The following TRIM24 variants were observed in gnomAD, a reference collection of about 807,000 sequenced individuals.
The protein encoded by TRIM24 is tripartite motif containing 24.
Under a neutral mutation model 123.9 loss-of-function variants are expected in TRIM24, and 29 were observed. The observed-to-expected ratio is 0.23, with a 90% CI of 0.17 to 0.32. The LOEUF (loss-of-function observed/expected upper bound fraction) is 0.32, where lower values mean the gene tolerates loss of function less well. Ranked by LOEUF, TRIM24 falls within the 10% of genes least tolerant of loss-of-function variation. TRIM24 has a pLI of 1.00. For missense variants in TRIM24, 932 were observed against 1,295.3 expected, an observed-to-expected ratio of 0.72 and a Z score of 4.31; for synonymous variants, 456 against 461.1, an observed-to-expected ratio of 0.99 and a Z score of 0.14.
intron 1 of TRIM24, among the ~76,000 whole-genome samples, chr7:138,489,775 C>T (rs377319218): frequency 1.3e-5 from 2 of 152,178 alleles, no homozygotes; most frequent in Non-Finnish European, 2.9e-5. Flanking sequence ...TTTCTGGCCG[C>T]GCTTAACGTT....
At chr7:138,532,394 C>G (rs113196057) in intron 6 of TRIM24, among the ~76,000 whole-genome samples, 3 of 151,808 alleles carry the variant, frequency 2.0e-5, no homozygotes, top group Non-Finnish European at 2.9e-5. Context: ...ATTTTTGTAT[C>G]AGGTGTAAGG....
chr7:138,585,075 T>C lies in TRIM24; in HGVS notation c.*124T>C. ...ACTATTCTCATCTCTGTTTTGGACG[T>C]TTACTAGACTTTGATTTCCTTAATA... is the stretch of plus-strand genomic sequence containing the variant. On this transcript the variant is annotated 3_prime_UTR_variant, in exon 19 of 19. Transcript: ENST00000343526. The C allele has an allele frequency of 1.3e-6, 1 of 756,682 alleles. No homozygotes were observed. The highest frequency in any genetic ancestry group is 2.0e-6 in the Non-Finnish European group (1 of 497,378). 46.9% of individuals were successfully genotyped at this position (756,682 alleles called of 1,614,324 possible).
intron 4 of TRIM24, among the ~76,000 whole-genome samples, 177 bp from the exon 5 acceptor site, chr7:138,525,064 T>C (rs1796580207): frequency 1.3e-5 from 2 of 152,144 alleles, no homozygotes; most frequent in African/African-American, 2.4e-5. Context: ...ATAATCTTTC[T>C]TGAGGGATAA....
At chr7:138,528,105 G>C (rs144307628) in intron 5 of TRIM24, among the ~76,000 whole-genome samples, 1 of 152,036 alleles carries the variant, frequency 6.6e-6, no homozygotes, top group Non-Finnish European at 1.5e-5. Context: ...CTAGATGGCT[G>C]TTATCTAGGC....
At chr7:138,540,463 A>G (rs140205695) in intron 7 of TRIM24, among the ~76,000 whole-genome samples, 417 of 152,314 alleles carry the variant, frequency 2.7e-3, no homozygotes, top group African/African-American at 9.0e-3. Flanking sequence ...AGTAATTTCT[A>G]TCTCAAAAAA....
intron 14 of TRIM24, among the ~76,000 whole-genome samples, chr7:138,577,797 G>C (rs1797793574): frequency 6.6e-6 from 1 of 152,106 alleles, no homozygotes; most frequent in South Asian, 2.1e-4. Context: ...TGGAGGCTGG[G>C]CAGTTAAAAG....
intron 6 of TRIM24, among the ~76,000 whole-genome samples, chr7:138,531,274 G>GTTACACGTTACA (rs1796734417): frequency 6.6e-6 from 1 of 151,220 alleles, no homozygotes; most frequent in African/African-American, 2.4e-5. Flanking sequence ...ATGTTTACAT[G>GTTACACGTTACA]TGTTACATAT....
chr7:138,532,372 C>T (rs911733019), intron 6 of TRIM24, among the ~76,000 whole-genome samples: 1 of 151,930 alleles, frequency 6.6e-6, no homozygotes, highest in African/African-American at 2.4e-5. Flanking sequence ...GTCTTTAATC[C>T]ATCTTGAATT....
intron 5 of TRIM24, among the ~76,000 whole-genome samples, chr7:138,528,786 C>T (rs1439490061): frequency 2.2e-5 from 2 of 91,162 alleles, no homozygotes; most frequent in African/African-American, 5.2e-5. Flanking sequence ...CACCCCCACC[C>T]CCCCCCCCAT....
chr7:138,536,754 A>C (rs1289990819), intron 6 of TRIM24, among the ~76,000 whole-genome samples: 1 of 152,196 alleles, frequency 6.6e-6, no homozygotes, highest in Non-Finnish European at 1.5e-5. Context: ...TCAGACAGGG[A>C]CATTTAAGTC....
chr7:138,552,560 G>A (rs1563057387), intron 8 of TRIM24, among the ~76,000 whole-genome samples: 1 of 152,090 alleles, frequency 6.6e-6, no homozygotes, highest in Non-Finnish European at 1.5e-5. Flanking sequence ...TTTGGTGGGG[G>A]GTTGGGGGGT....
At chr7:138,550,335 G>GTGTC (rs1199221363) in intron 7 of TRIM24, among the ~76,000 whole-genome samples, 1 of 151,930 alleles carries the variant, frequency 6.6e-6, no homozygotes, top group Non-Finnish European at 1.5e-5. Flanking sequence ...GTGTGTGTGT[G>GTGTC]TGTGTGTGTG....
chr7:138,504,012 G>A (rs1487305273), intron 1 of TRIM24, among the ~76,000 whole-genome samples: 2 of 152,152 alleles, frequency 1.3e-5, no homozygotes, highest in Non-Finnish European at 2.9e-5. Flanking sequence ...CACTGCTAGA[G>A]AAGTTGCTAA....
At chr7:138,551,279 C>A in intron 8 of TRIM24, 99 bp downstream of exon 8, 6 of 1,035,472 alleles carry the variant, frequency 5.8e-6, no homozygotes, top group Non-Finnish European at 8.9e-6. Context: ...AGGCTGGGCA[C>A]GGTGGCTCAC....
intron 2 of TRIM24, chr7:138,514,878 A>G (rs1037172857): frequency 5.4e-6 from 1 of 183,998 alleles, no homozygotes; most frequent in African/African-American, 2.3e-5. Context: ...AACCTGCACT[A>G]TGTACAAGAC....
At chr7:138,511,337 T>C (rs1455360700) in intron 2 of TRIM24, among the ~76,000 whole-genome samples, 2 of 151,744 alleles carry the variant, frequency 1.3e-5, no homozygotes, top group South Asian at 2.1e-4. Flanking sequence ...GTTTTACTCT[T>C]GTTGCCCAAG....
At chr7:138,461,044 G>T in intron 1 of TRIM24, 132 bp downstream of exon 1, 3 of 960,600 alleles carry the variant, frequency 3.1e-6, no homozygotes, top group South Asian at 3.0e-5. Context: ...GAGCAGGAGG[G>T]TCTGTGCTGG....
In TRIM24 at chr7:138,483,752, A is replaced by C. The variant is rs565384252; in HGVS notation, c.365-20538A>C. ...GGAGTAAACAAACAGGGACTGTGGGAGGTAGCCTTTTTATGTAGTATCATG... is the reference window on the plus strand; with the variant it reads ...GGAGTAAACAAACAGGGACTGTGGGCGGTAGCCTTTTTATGTAGTATCATG... On this transcript the variant is annotated intron_variant, in intron 1 of 18. Coordinates refer to ENST00000343526, the MANE Select transcript of TRIM24 (RefSeq NM_015905.3). 4.9e-4 allele frequency among the ~76,000 whole-genome samples: 75 copies of C among 152,308 alleles called. 1 individual carries two copies. The highest frequency in any genetic ancestry group is 4.9e-3 in the Admixed American group (75 of 15,288).
At chr7:138,526,429 T>C (rs1159372971) in intron 5 of TRIM24, among the ~76,000 whole-genome samples, 1 of 152,114 alleles carries the variant, frequency 6.6e-6, no homozygotes, top group Non-Finnish European at 1.5e-5. Flanking sequence ...TGTTTTTACC[T>C]CTGTTTTTGT....
Sources: gnomAD v4.1 joint callset for allele counts (sites outside exome capture counted in the v4.1 genomes callset) on GRCh38, gnomAD v4.1.1 for gene constraint, MANE v1.5 for transcripts, NCBI Gene and HGNC (gene_info 2026-07-23, HGNC 2026-07-21) for gene names.